INTS3: variants seen among roughly 807,000 people sequenced by gnomAD.
INTS3 encodes SOSS complex subunit A.
A neutral mutation model predicts 146.3 loss-of-function variants in INTS3; 34 were observed. The observed-to-expected ratio is 0.23, with a 90% confidence interval of 0.18 to 0.31. The LOEUF (loss-of-function observed/expected upper bound fraction) is 0.31, where lower values mean the gene tolerates loss of function less well. Ranked by LOEUF, INTS3 falls within the 10% of genes least tolerant of loss-of-function variation. The pLI, the probability that INTS3 is intolerant of heterozygous loss-of-function variation, is 1.00. For synonymous variants in INTS3, 475 were observed against 494.9 expected (o/e 0.96, Z 0.53); for missense variants, 757 against 1,304.2 (o/e 0.58, Z 6.46).
In INTS3 at chr1:153,771,895, C is replaced by T. The variant is rs111757548; in HGVS notation, c.2652C>T (p.Asp884=). Residue 884 remains aspartate (D), a synonymous_variant, in exon 26 of 30, where the codon GAC becomes GAT. Coordinates refer to ENST00000318967, the MANE Select transcript of INTS3 (RefSeq NM_023015.5). ...SILRHWCMKH[D]ELLAEHIKSL... ...TGCGGCACTGGTGCATGAAACATGA[C>T]GAGCTGCTGGCCGAGCACATCAAGT... 872 of 1,614,132 alleles carry T rather than the reference C, an allele frequency of 5.4e-4. 8 individuals are homozygous for T. In the African/African-American group the frequency reaches 1.0e-2, roughly 18 times the overall value.
intron 1 of INTS3, among the ~76,000 whole-genome samples, chr1:153,740,089 G>A (rs534434249): frequency 1.0e-4 from 15 of 142,864 alleles, no homozygotes; most frequent in Non-Finnish European, 2.0e-4. Flanking sequence ...GTGAGCCACC[G>A]TGCCCGCCCT....
At position 153,772,172 on chromosome 1, in the gene INTS3, C is replaced by T. The variant is rs1425899440; in HGVS notation, c.2721-168C>T. Among the ~76,000 whole-genome samples the T allele has an allele frequency of 6.6e-6, 1 of 152,148 alleles. No individual in the cohort carries two copies. Among genetic ancestry groups the T allele is most frequent in the African/African-American group, 2.4e-5 (1 of 41,434 alleles). On this transcript the variant is annotated intron_variant, in intron 26 of 29. Coordinates refer to ENST00000318967, the MANE Select transcript of INTS3 (RefSeq NM_023015.5). This position sits in a 1 kb window ranked among gnomAD's most constrained non-coding sequence, Gnocchi z 4.6. Reference sequence around the variant, plus strand: ...CTTCCAGTGCCCCTGTGGCCAGGATCCCCTGTTCTAGGCACACCTTTCTCA... The same window carrying T: ...CTTCCAGTGCCCCTGTGGCCAGGATTCCCTGTTCTAGGCACACCTTTCTCA...
intron 16 of INTS3, 58 bp from the exon 17 acceptor site, chr1:153,763,774 G>T (rs1672476029): frequency 1.4e-6 from 2 of 1,436,082 alleles, no homozygotes; most frequent in Admixed American, 1.8e-5. Flanking sequence ...CTGGGTGTGT[G>T]TCCTGCCCTC....
chr1:153,734,786 A>G (rs1315761383), intron 1 of INTS3, among the ~76,000 whole-genome samples: 6 of 152,158 alleles, frequency 3.9e-5, no homozygotes, highest in African/African-American at 1.4e-4. Context: ...AAAAGTTTAC[A>G]GAGAGTAGAT....
rs549847078 is a variant in INTS3, at chr1:153,729,280, T to C, written c.150+496T>C. Among the ~76,000 whole-genome samples, 3 of 152,304 alleles carry C rather than the reference T, an allele frequency of 2.0e-5. No homozygotes were observed. In the East Asian group the frequency reaches 5.8e-4, roughly 29 times the overall value. On this transcript the variant is annotated intron_variant, in intron 1 of 29. Coordinates refer to ENST00000318967, the MANE Select transcript of INTS3 (RefSeq NM_023015.5). ...AGTGATGTTAACTGGGCATCTAGAATGAGTGAAGACTTAAGAAAAGTGAGT... is the reference window on the plus strand; with the variant it reads ...AGTGATGTTAACTGGGCATCTAGAACGAGTGAAGACTTAAGAAAAGTGAGT...
At chr1:153,761,935 G>C (rs1428249004) in intron 14 of INTS3, among the ~76,000 whole-genome samples, 1 of 152,188 alleles carries the variant, frequency 6.6e-6, no homozygotes, top group Admixed American at 6.5e-5. Context: ...CTCCTGCTCA[G>C]TAGTTAGAAG....
At position 153,769,029 on chromosome 1, in the gene INTS3, C is replaced by T. The variant is rs1672708645; in HGVS notation, c.2313+68C>T. 3.1e-6 allele frequency: 4 copies of T among 1,277,202 alleles called. No individual in the cohort carries two copies. The Admixed American group carries it at 5.2e-5, about 16-fold the overall frequency. 79.1% of individuals were successfully genotyped at this position (1,277,202 alleles called of 1,614,324 possible). On this transcript the variant is annotated intron_variant, in intron 22 of 29. Coordinates refer to ENST00000318967, the MANE Select transcript of INTS3 (RefSeq NM_023015.5). ...GCATTAGGGACATAGGGCCTCTGCT[C>T]TCCCTCCAGGCCTGCAGACAGGGAG...
chr1:153,740,820 G>C, intron 2 of INTS3, 86 bp downstream of exon 2: 1 of 1,063,344 alleles, frequency 9.4e-7, no homozygotes, highest in East Asian at 2.4e-5. Context: ...CTAAGTGGTT[G>C]GGGGTAGGGG....
chr1:153,757,593 C>T lies in INTS3; in HGVS notation c.979C>T (p.Arg327Ter). 1 of 1,613,826 alleles carries T rather than the reference C, an allele frequency of 6.2e-7. No homozygotes were observed. The highest frequency in any genetic ancestry group is 8.5e-7 in the Non-Finnish European group (1 of 1,179,770). Residue 327 changes from arginine to a stop codon, truncating the protein, a stop_gained, in exon 10 of 30, where the codon CGA (arginine) becomes TGA (stop). Coordinates refer to ENST00000318967, the MANE Select transcript of INTS3 (RefSeq NM_023015.5). LOFTEE classifies it high-confidence loss of function. This position sits in a 1 kb window ranked among gnomAD's most constrained non-coding sequence, Gnocchi z 4.0. The part of the protein sequence containing the change: ...TSRVRFGQQK[R>*]YQDWFQRQYL... ...CCAGGTGCGATTTGGTCAACAAAAG[C>T]GATACCAAGATTGGTTCCAGCGCCA...
chr1:153,753,152 A>G (rs978852298), intron 8 of INTS3, among the ~76,000 whole-genome samples: 1 of 152,132 alleles, frequency 6.6e-6, no homozygotes, highest in African/African-American at 2.4e-5. Context: ...TATATTGAAC[A>G]TCTATTTCAT....
In INTS3 at chr1:153,773,290, C is replaced by T; in HGVS notation, c.*20C>T. 1 of 1,608,468 alleles carries T rather than the reference C, an allele frequency of 6.2e-7. No homozygotes were observed. The highest frequency in any genetic ancestry group is 1.1e-5 in the South Asian group (1 of 91,002). On this transcript the variant is annotated 3_prime_UTR_variant, in exon 30 of 30. Coordinates refer to ENST00000318967, the MANE Select transcript of INTS3 (RefSeq NM_023015.5). ...GACTGAGGCCCTGCATTCCCCATCC[C>T]ACCCCCGGCTGGACTGCCCTCTCCT...
At position 153,774,310 on chromosome 1, in the gene INTS3, A is replaced by C. The variant is rs1427943739; in HGVS notation, c.*1040A>C. 2 of 152,144 alleles carry C rather than the reference A, an allele frequency of 1.3e-5. No homozygotes were observed. The highest frequency in any genetic ancestry group is 6.5e-5 in the Admixed American group (1 of 15,268). 9.4% of individuals were successfully genotyped at this position (152,144 alleles called of 1,614,324 possible). On this transcript the variant is annotated 3_prime_UTR_variant, in exon 30 of 30. Coordinates refer to ENST00000318967, the MANE Select transcript of INTS3 (RefSeq NM_023015.5). ...TCTATGCAGAACCATCCCCCGTAGG[A>C]TGAGGCCTGTCCTTACTCATTTCTC...
rs1672480110 is a variant in INTS3, at chr1:153,763,899, C to T, written c.1821+13C>T. The stretch of plus-strand genomic sequence containing the variant: ...CCAGGTCCTGGAGGTGAGGAGGAAC[C>T]CAATCCCTTAGGGAGGAAGCAGCCT... On this transcript the variant is annotated intron_variant, in intron 17 of 29. Transcript: ENST00000318967. 13 of 1,612,428 alleles carry T rather than the reference C, an allele frequency of 8.1e-6. No individual in the cohort carries two copies. The highest frequency in any genetic ancestry group is 1.0e-5 in the Non-Finnish European group (12 of 1,178,716).
intron 1 of INTS3, among the ~76,000 whole-genome samples, chr1:153,738,723 TTGA>T (rs1380403474): frequency 1.3e-5 from 2 of 152,208 alleles, no homozygotes; most frequent in Admixed American, 6.5e-5. Flanking sequence ...TTACCATCCA[TTGA>T]TGATGATATT....
intron 1 of INTS3, among the ~76,000 whole-genome samples, chr1:153,731,695 C>G (rs1276791837): frequency 6.8e-6 from 1 of 147,218 alleles, no homozygotes; most frequent in Non-Finnish European, 1.5e-5. Flanking sequence ...ACACCATTCT[C>G]CTGCCTCAGC....
In INTS3 at chr1:153,763,825, C is replaced by G. The variant is rs776063408; in HGVS notation, c.1767-7C>G. 75 of 1,613,228 alleles carry G rather than the reference C, an allele frequency of 4.6e-5. No individual in the cohort carries two copies. Among genetic ancestry groups the G allele is most frequent in the Non-Finnish European group, 5.8e-5 (69 of 1,179,594 alleles). On this transcript the variant is annotated splice_region_variant and splice_polypyrimidine_tract_variant and intron_variant, in intron 16 of 29. Transcript: ENST00000318967. ...CCCTGGGATTTCCTCTCATTTCTGT[C>G]CTGCAGTGATACGGAGGCCCAGTGT... is the stretch of plus-strand genomic sequence containing the variant.
At chr1:153,770,135 G>T in intron 23 of INTS3, 63 bp from the exon 24 acceptor site, 1 of 359,644 alleles carries the variant, frequency 2.8e-6, no homozygotes, top group Non-Finnish European at 4.6e-6. Flanking sequence ...GGTGGGGGGG[G>T]TGTGTGTGTG....
intron 24 of INTS3, 89 bp from the exon 25 acceptor site, chr1:153,770,596 C>T: frequency 9.2e-7 from 1 of 1,082,758 alleles, no homozygotes. Context: ...CTTATTCCCT[C>T]CAGTGGCTGT....
chr1:153,747,477 G>C (rs1342803783), intron 5 of INTS3, 114 bp downstream of exon 5: 1 of 792,436 alleles, frequency 1.3e-6, no homozygotes, highest in East Asian at 2.5e-5. Flanking sequence ...TGCTTAGACT[G>C]TTTCCTTCTG....
Sources: gnomAD v4.1 joint callset for allele counts (sites outside exome capture counted in the v4.1 genomes callset) on GRCh38, gnomAD v4.1.1 for gene constraint, Gnocchi (gnomAD v3.1) non-coding constraint, MANE v1.5 for transcripts, NCBI Gene and HGNC (gene_info 2026-07-23, HGNC 2026-07-21) for gene names.